Variants in RAB33A observed in about 807,000 individuals in gnomAD.
The protein encoded by RAB33A is RAB33A, member RAS oncogene family, also known as ras-related protein Rab-33A.
In RAB33A, 6 loss-of-function variants were observed where a neutral mutation model predicts 12.0. The ratio of observed to expected loss-of-function variants is 0.50; its 90% CI spans 0.27 to 0.99. The LOEUF is 0.99. RAB33A is among the 50% of genes least tolerant of loss of function. The probability of loss-of-function intolerance (pLI) is 0.11; values close to 1 mark genes in which losing one functional copy is unlikely to be tolerated. For missense variants in RAB33A, 109 were observed against 192.0 expected (o/e 0.57, Z 2.55); for synonymous variants, 70 against 82.4 (o/e 0.85, Z 0.81).
At chrX:130,147,368 A>G in the RAB33A span, 1 of 870,773 alleles carries the variant, frequency 1.1e-6, no homozygotes, top group Non-Finnish European at 1.7e-6. Flanking sequence ...AGTGTGGACC[A>G]CAGTAGACTC....
In RAB33A at chrX:130,172,187, T is replaced by C. The variant is rs1230642644; in HGVS notation, c.125T>C (p.Ile42Thr). 7.4e-6 allele frequency: 9 copies of C among 1,210,819 alleles called. No homozygotes were observed. Among genetic ancestry groups the C allele is most frequent in the African/African-American group, 1.7e-5 (1 of 57,403 alleles). Residue 42 changes from isoleucine (I) to threonine (T), a missense_variant, in exon 1 of 2, where the codon ATT becomes ACT. Coordinates refer to ENST00000257017, the MANE Select transcript of RAB33A (RefSeq NM_004794.3). Reference protein sequence around the residue: ...VQIRIFKIIVIGDSNVGKTCL... With the variant: ...VQIRIFKIIVTGDSNVGKTCL... ...ATTCGCATCTTCAAAATAATCGTGA[T>C]TGGGGACTCCAACGTGGGCAAGACC...
At chrX:130,163,137 C>T in the RAB33A span, among the ~76,000 whole-genome samples, 1 of 109,247 alleles carries the variant, frequency 9.2e-6, no homozygotes, top group South Asian at 4.0e-4. Context: ...GGTGAAACCC[C>T]GTCTCTACTA....
chrX:130,145,681 A>G, the RAB33A span: 5 of 568,133 alleles, frequency 8.8e-6, no homozygotes, highest in African/African-American at 1.1e-4. Flanking sequence ...GACGTTTTCC[A>G]AAGTAAGTCT....
chrX:130,150,544 C>T, the RAB33A span, among the ~76,000 whole-genome samples: 1 of 104,114 alleles, frequency 9.6e-6, no homozygotes, highest in South Asian at 4.4e-4. Context: ...ACCGTTTTAG[C>T]CGGGATGGTC....
chrX:130,178,343 A>G (rs1201954304), intron 1 of RAB33A, among the ~76,000 whole-genome samples: 3 of 95,417 alleles, frequency 3.1e-5, no homozygotes, highest in African/African-American at 4.2e-5. Context: ...GAGAGAGAGA[A>G]AGAGACCAGG....
At chrX:130,120,859 C>A in the RAB33A span, among the ~76,000 whole-genome samples, 1 of 113,285 alleles carries the variant, frequency 8.8e-6, no homozygotes, top group South Asian at 3.5e-4. Flanking sequence ...TGCGCCCGGG[C>A]GCCTCTGCAG....
intron 1 of RAB33A, among the ~76,000 whole-genome samples, chrX:130,178,188 C>T (rs1462203230): frequency 6.3e-5 from 7 of 110,287 alleles, no homozygotes; most frequent in Non-Finnish European, 1.3e-4. Context: ...TGTGCTGGTG[C>T]GTGCCTGTAG....
the RAB33A span, among the ~76,000 whole-genome samples, chrX:130,151,978 G>T: frequency 9.1e-6 from 1 of 110,478 alleles, no homozygotes; most frequent in South Asian, 3.9e-4. Context: ...GGTGGCGGCT[G>T]CAGTGAGCCG....
At chrX:130,151,481 G>C in the RAB33A span, among the ~76,000 whole-genome samples, 1 of 111,385 alleles carries the variant, frequency 9.0e-6, no homozygotes, top group African/African-American at 3.3e-5. Flanking sequence ...CTTCCTTCCA[G>C]AACAGCCCAT....
chrX:130,143,823 G>C, the RAB33A span, among the ~76,000 whole-genome samples: 7 of 109,996 alleles, frequency 6.4e-5, no homozygotes, highest in African/African-American at 1.3e-4. Flanking sequence ...CTCCAGCCTG[G>C]GCGACAGAGT....
the RAB33A span, among the ~76,000 whole-genome samples, chrX:130,115,440 C>T: frequency 9.0e-6 from 1 of 111,628 alleles, no homozygotes; most frequent in African/African-American, 3.3e-5. Flanking sequence ...TGGGGAAACC[C>T]CATCTGTACT....
chrX:130,184,404 C>T lies in RAB33A; in HGVS notation c.378C>T (p.Thr126=), dbSNP rs771435787. 1.5e-5 allele frequency: 18 copies of T among 1,210,092 alleles called. No individual in the cohort carries two copies. The highest frequency in any genetic ancestry group is 2.2e-6 in the Non-Finnish European group (2 of 895,021). The change falls in exon 2 of 2, where the codon ACC becomes ACT. Residue 126 remains threonine, a synonymous_variant. Transcript: ENST00000257017. ...ACGTCACCAAGATGACATCTTTCAC[C>T]AACCTCAAAATGTGGATCCAAGAAT... ...VYDVTKMTSF[T]NLKMWIQECN...
At chrX:130,115,729 GAAA>G in the RAB33A span, among the ~76,000 whole-genome samples, 2 of 109,577 alleles carry the variant, frequency 1.8e-5, no homozygotes, top group Non-Finnish European at 3.8e-5. Context: ...AAGAAAGAAA[GAAA>G]GAAAAGGAAA....
the RAB33A span, chrX:130,165,688 CCCTTT>C: frequency 8.9e-7 from 1 of 1,124,822 alleles, no homozygotes; most frequent in Non-Finnish European, 1.2e-6. Context: ...CCTCCTCCTT[CCCTTT>C]CCTCTCACGC....
chrX:130,138,248 C>T, the RAB33A span, among the ~76,000 whole-genome samples: 1 of 110,757 alleles, frequency 9.0e-6, no homozygotes, highest in South Asian at 3.8e-4. Flanking sequence ...GGCGGATCAC[C>T]AGGTCAGGAG....
rs1018030902 is a variant in RAB33A at position 130,176,062 on chromosome X, A to G, written c.258+3742A>G. On this transcript the variant is annotated intron_variant, in intron 1 of 1. Coordinates refer to ENST00000257017, the MANE Select transcript of RAB33A (RefSeq NM_004794.3). ...AGCTCCATGGTCCATCCAACCCACA[A>G]GGCCACCTATGACAAGAATCCAGAG... Among the ~76,000 whole-genome samples the G allele has an allele frequency of 4.5e-5, 5 of 111,289 alleles. No individual in the cohort carries two copies. In the Admixed American group the frequency reaches 4.8e-4, roughly 11 times the overall value.
At chrX:130,120,638 G>A in the RAB33A span, among the ~76,000 whole-genome samples, 2 of 112,607 alleles carry the variant, frequency 1.8e-5, no homozygotes, top group Admixed American at 9.3e-5. Flanking sequence ...GAAGCGCGCA[G>A]GAACCAGCCC....
the RAB33A span, chrX:130,140,624 C>T: frequency 3.4e-6 from 4 of 1,167,538 alleles, no homozygotes; most frequent in South Asian, 1.8e-5. Context: ...CTACCTGGTA[C>T]AGTCACACAC....
the RAB33A span, chrX:130,139,879 T>G: frequency 1.7e-6 from 2 of 1,203,162 alleles, no homozygotes. Context: ...CTCCTGGAAA[T>G]AAGAGAAGGA....
Sources: gnomAD v4.1 joint callset for allele counts (sites outside exome capture counted in the v4.1 genomes callset) on GRCh38, gnomAD v4.1.1 for gene constraint, MANE v1.5 for transcripts, NCBI Gene and HGNC (gene_info 2026-07-23, HGNC 2026-07-21) for gene names.